Variants in NUMBL observed in about 807,000 individuals in gnomAD.
The protein encoded by NUMBL is NUMB like endocytic adaptor protein.
Under a neutral mutation model 48.9 loss-of-function variants are expected in NUMBL, and 20 were observed. That is an observed-to-expected ratio of 0.41 (90% confidence interval 0.29 to 0.59). The LOEUF is 0.59. NUMBL is among the 20% of genes least tolerant of loss of function. The pLI, the probability that NUMBL is intolerant of heterozygous loss-of-function variation, is 0.31. For synonymous variants in NUMBL, 340 were observed against 348.7 expected, an observed-to-expected ratio of 0.98 and a Z score of 0.28; for missense variants, 660 against 846.2, an observed-to-expected ratio of 0.78 and a Z score of 2.73.
rs545865724 is a variant in NUMBL, at chr19:40,689,561, A to C, written c.24+899T>G. 3 of 152,900 alleles carry C rather than the reference A, an allele frequency of 2.0e-5. No homozygotes were observed. The East Asian group carries it at 5.8e-4, about 30-fold the overall frequency. The allele number at this position is 152,900 out of a possible 1,614,324, so 9.5% of individuals were successfully genotyped here. A position where few individuals can be genotyped will look rare whatever the true frequency, so the allele number is the denominator to read the frequency against. ...CTTGCTTCCCCCCTTCCCCCCAGGTACCACACACAAAGCCGCCGTCACCGT... is the reference window on the plus strand; with the variant it reads ...CTTGCTTCCCCCCTTCCCCCCAGGTCCCACACACAAAGCCGCCGTCACCGT... On this transcript the variant is annotated intron_variant, in intron 1 of 9. Transcript: ENST00000252891.
In NUMBL at chr19:40,682,195, C is replaced by T. The variant is rs1479913188; in HGVS notation, c.399+533G>A. ...AGGCTGGAGTGCAATGGCATGATCT[C>T]CGCTCACCGCAACCTCCAAGTCTCG... On this transcript the variant is annotated intron_variant, in intron 5 of 9. Coordinates refer to ENST00000252891, the MANE Select transcript of NUMBL (RefSeq NM_004756.5). The surrounding 1 kb of genome is among the most constrained non-coding windows in gnomAD (Gnocchi z 4.0). 6.6e-6 allele frequency among the ~76,000 whole-genome samples: 1 copy of T among 151,872 alleles called. No homozygotes were observed. The highest frequency in any genetic ancestry group is 1.5e-5 in the Non-Finnish European group (1 of 67,966).
intron 1 of NUMBL, chr19:40,690,082 T>C (rs1476196761): frequency 5.5e-6 from 1 of 181,630 alleles, no homozygotes; most frequent in East Asian, 1.3e-4. Context: ...CAGGGAGAGG[T>C]AGGGATTGTG....
intron 3 of NUMBL, 69 bp downstream of exon 3, chr19:40,684,348 G>C (rs1420781914): frequency 8.8e-6 from 13 of 1,471,806 alleles, no homozygotes; most frequent in South Asian, 1.3e-5. Flanking sequence ...GCCAGGCCGC[G>C]CACCCGCACA....
intron 1 of NUMBL, 57 bp downstream of exon 1, chr19:40,690,403 G>T: frequency 9.5e-7 from 1 of 1,047,592 alleles, no homozygotes; most frequent in Non-Finnish European, 1.2e-6. Flanking sequence ...CCCACCCTCC[G>T]CCACATCAGC....
chr19:40,669,736 A>C (rs1029220360), intron 9 of NUMBL, among the ~76,000 whole-genome samples, 162 bp downstream of exon 9: 2 of 152,110 alleles, frequency 1.3e-5, no homozygotes, highest in African/African-American at 4.8e-5. Context: ...CATGGCTCTA[A>C]GATGATCCAT....
At position 40,688,121 on chromosome 19, in the gene NUMBL, C is replaced by T. The variant is rs530446459; in HGVS notation, c.25-1126G>A. 2.0e-5 allele frequency among the ~76,000 whole-genome samples: 3 copies of T among 152,262 alleles called. No individual in the cohort carries two copies. The East Asian group carries it at 5.8e-4, about 29-fold the overall frequency. On this transcript the variant is annotated intron_variant, in intron 1 of 9. Coordinates refer to ENST00000252891, the MANE Select transcript of NUMBL (RefSeq NM_004756.5). This position sits in a 1 kb window ranked among gnomAD's most constrained non-coding sequence, Gnocchi z 4.6. The stretch of plus-strand genomic sequence containing the variant: ...CCCTCAAGACACAGCCATGGTGGTC[C>T]TATAGGCATGGCCACAGCATCAATG...
In NUMBL at chr19:40,673,172, C is replaced by G. The variant is rs2081856824; in HGVS notation, c.1036+172G>C. On this transcript the variant is annotated intron_variant, in intron 8 of 9. Transcript: ENST00000252891. The surrounding 1 kb of genome is among the most constrained non-coding windows in gnomAD (Gnocchi z 5.9). ...CAATCCTGATTTGTGCTATCTCTTT[C>G]CTCTCCCTTGCCCACTGCTAATCGA... is the stretch of plus-strand genomic sequence containing the variant. 1.3e-5 allele frequency among the ~76,000 whole-genome samples: 2 copies of G among 152,216 alleles called. No individual in the cohort carries two copies. Among genetic ancestry groups the G allele is most frequent in the Non-Finnish European group, 2.9e-5 (2 of 68,036 alleles).
chr19:40,669,750 T>A, intron 9 of NUMBL, 148 bp downstream of exon 9: 1 of 982,152 alleles, frequency 1.0e-6, no homozygotes, highest in Non-Finnish European at 1.5e-6. Context: ...GATCCATGGT[T>A]GTAGGATGAT....
At position 40,680,966 on chromosome 19, in the gene NUMBL, C is replaced by T; in HGVS notation, c.491G>A (p.Gly164Glu). Residue 164 changes from glycine to glutamate, a missense_variant, in exon 6 of 10, where the codon GGG becomes GAG. Around this residue, in one of 3 missense-constraint regions of NUMBL, gnomAD observed 278 missense variants for 420.6 expected, o/e 0.66. Coordinates refer to ENST00000252891, the MANE Select transcript of NUMBL (RefSeq NM_004756.5). ...GTGGCAGATCCAGCGGCGGGTAGTC[C>T]CGTCACGACAGATATAGGAGAAAGC... ...DKAFSYICRD[G>E]TTRRWICHCF... 1 of 1,614,130 alleles carries T rather than the reference C, an allele frequency of 6.2e-7. No homozygotes were observed. The highest frequency in any genetic ancestry group is 8.5e-7 in the Non-Finnish European group (1 of 1,180,024).
In NUMBL at chr19:40,673,296, T is replaced by C. The variant is rs538581450; in HGVS notation, c.1036+48A>G. ...GCCTCCATCCCTTGCCCACATCAGA[T>C]AGTGCCAATTGATTCCAACGCCGTT... On this transcript the variant is annotated intron_variant, in intron 8 of 9. Coordinates refer to ENST00000252891, the MANE Select transcript of NUMBL (RefSeq NM_004756.5). The surrounding 1 kb of genome is among the most constrained non-coding windows in gnomAD (Gnocchi z 5.9). The C allele has an allele frequency of 1.5e-4, 234 of 1,536,802 alleles. 2 individuals are homozygous for C. In the South Asian group the frequency reaches 2.7e-3, roughly 18 times the overall value.
intron 3 of NUMBL, 26 bp downstream of exon 3, chr19:40,684,391 C>CGCCGCACCCT (rs773962793): frequency 3.2e-6 from 5 of 1,540,990 alleles, no homozygotes; most frequent in Non-Finnish European, 4.4e-6. Flanking sequence ...CCCCTCGCCC[C>CGCCGCACCCT]GCCGCACCCT....
chr19:40,674,624 G>C (rs2081865024), intron 7 of NUMBL, among the ~76,000 whole-genome samples: 1 of 152,104 alleles, frequency 6.6e-6, no homozygotes, highest in Admixed American at 6.6e-5. Flanking sequence ...TGACACAATG[G>C]GGCACCCATG....
chr19:40,682,620 G>T lies in NUMBL; in HGVS notation c.399+108C>A. On this transcript the variant is annotated intron_variant, in intron 5 of 9. Transcript: ENST00000252891. This position sits in a 1 kb window ranked among gnomAD's most constrained non-coding sequence, Gnocchi z 4.0. ...AGGGAGCACACGGCATCGTCTAGAA[G>T]GTCCCTGAGGGAGGGATGTGCAGAG... is the stretch of plus-strand genomic sequence containing the variant. 1.0e-6 allele frequency: 1 copy of T among 956,084 alleles called. No homozygotes were observed. The highest frequency in any genetic ancestry group is 1.6e-6 in the Non-Finnish European group (1 of 623,240). 59.2% of individuals were successfully genotyped at this position (956,084 alleles called of 1,614,324 possible). A position where few individuals can be genotyped will look rare whatever the true frequency, so the allele number is the denominator to read the frequency against.
rs2081961368 is a variant in NUMBL at position 40,690,645 on chromosome 19, G to A, written c.-162C>T. 2 of 372,768 alleles carry A rather than the reference G, an allele frequency of 5.4e-6. No individual in the cohort carries two copies. The highest frequency in any genetic ancestry group is 9.3e-6 in the Non-Finnish European group (2 of 215,344). The allele number at this position is 372,768 out of a possible 1,614,324, so 23.1% of individuals were successfully genotyped here. A position where few individuals can be genotyped will look rare whatever the true frequency, so the allele number is the denominator to read the frequency against. Reference sequence around the variant, plus strand: ...GCGCGCGAGCCTCCTCGGCTCCCGGGAGGATTCCGTTCCGGGGGCGGGGGA... The same window carrying A: ...GCGCGCGAGCCTCCTCGGCTCCCGGAAGGATTCCGTTCCGGGGGCGGGGGA... On this transcript the variant is annotated 5_prime_UTR_variant, in exon 1 of 10. Coordinates refer to ENST00000252891, the MANE Select transcript of NUMBL (RefSeq NM_004756.5).
At chr19:40,675,164 AAAAAAAC>A in intron 7 of NUMBL, among the ~76,000 whole-genome samples, 1 of 146,294 alleles carries the variant, frequency 6.8e-6, no homozygotes. Flanking sequence ...AAAAAAAAAA[AAAAAAAC>A]TTAGCTGGAC....
In NUMBL at chr19:40,684,459, G is replaced by A. The variant is rs1375335628; in HGVS notation, c.207C>T (p.Asp69=). Reference sequence around the variant, plus strand: ...ACGTGCCCTTCCGCACCGCGTCCTCGTCTGCCTGCCACTGGTGCGGGCGCG... The same window carrying A: ...ACGTGCCCTTCCGCACCGCGTCCTCATCTGCCTGCCACTGGTGCGGGCGCG... The part of the protein sequence containing the change: ...EASRPHQWQA[D]EDAVRKGTCS... The change falls in exon 3 of 10, where the codon GAC becomes GAT. Residue 69 remains aspartate (D), a synonymous_variant. Coordinates refer to ENST00000252891, the MANE Select transcript of NUMBL (RefSeq NM_004756.5). 2.5e-6 allele frequency: 4 copies of A among 1,585,530 alleles called. No individual in the cohort carries two copies. Among genetic ancestry groups the A allele is most frequent in the South Asian group, 1.1e-5 (1 of 87,522 alleles).
chr19:40,681,150 G>A, intron 5 of NUMBL, 93 bp from the exon 6 acceptor site: 1 of 1,403,982 alleles, frequency 7.1e-7, no homozygotes, highest in Non-Finnish European at 9.9e-7. Context: ...ATCCAGTCCT[G>A]AACAGGGTGG....
chr19:40,684,543 G>A lies in NUMBL; in HGVS notation c.123C>T (p.Thr41=). The A allele has an allele frequency of 6.2e-7, 1 of 1,609,842 alleles. No homozygotes were observed. The highest frequency in any genetic ancestry group is 8.5e-7 in the Non-Finnish European group (1 of 1,177,660). ...GCAGGCTCTGCCGTAACTTGTTCAT[G>A]GTGCCCGCCCCGTCTGGTGACACAG... The part of the protein sequence containing the change: ...TCRTEPDGAG[T]MNKLRQSLRR... The change falls in exon 3 of 10, where the codon ACC becomes ACT. Residue 41 remains threonine, a synonymous_variant. Transcript: ENST00000252891.
Position 40,667,173 on chromosome 19 carries a change from A to G in NUMBL, c.*295T>C, listed in dbSNP as rs1172145280. On this transcript the variant is annotated 3_prime_UTR_variant, in exon 10 of 10. Transcript: ENST00000252891. This position sits in a 1 kb window ranked among gnomAD's most constrained non-coding sequence, Gnocchi z 6.1. Reference sequence around the variant, plus strand: ...AATGGAGTGTGAACCAAGGGCATTCAGTGGGATTGTGGCCAACCCCTGTGT... The same window carrying G: ...AATGGAGTGTGAACCAAGGGCATTCGGTGGGATTGTGGCCAACCCCTGTGT... 2 of 406,082 alleles carry G rather than the reference A, an allele frequency of 4.9e-6. No homozygotes were observed. Among genetic ancestry groups the G allele is most frequent in the East Asian group, 5.4e-5 (1 of 18,574 alleles). 25.2% of individuals were successfully genotyped at this position (406,082 alleles called of 1,614,324 possible). A position where few individuals can be genotyped will look rare whatever the true frequency, so the allele number is the denominator to read the frequency against.
Sources: gnomAD v4.1 joint callset for allele counts (sites outside exome capture counted in the v4.1 genomes callset) on GRCh38, gnomAD v4.1.1 for gene constraint, gnomAD v4.1.1 regional missense constraint, Gnocchi (gnomAD v3.1) non-coding constraint, MANE v1.5 for transcripts, NCBI Gene and HGNC (gene_info 2026-07-23, HGNC 2026-07-21) for gene names.